The following CNTNAP3B variants were observed in gnomAD, a reference collection of about 807,000 sequenced individuals.
The protein encoded by CNTNAP3B is contactin-associated protein-like 3B.
A neutral mutation model predicts 108.9 loss-of-function variants in CNTNAP3B; 25 were observed. The observed-to-expected ratio is 0.23, with a 90% CI of 0.17 to 0.32. The LOEUF is 0.32. Ranked by LOEUF, CNTNAP3B falls within the 10% of genes least tolerant of loss-of-function variation. The pLI is 1.00. For missense variants in CNTNAP3B, 252 were observed against 1,210.4 expected, an observed-to-expected ratio of 0.21 and a Z score of 11.75; for synonymous variants, 103 against 473.4, an observed-to-expected ratio of 0.22 and a Z score of 10.16.
intron 3 of CNTNAP3B, among the ~76,000 whole-genome samples, chr9:42,068,189 AACTC>A (rs1827314147): frequency 1.6e-5 from 1 of 62,100 alleles, no homozygotes; most frequent in Non-Finnish European, 2.9e-5. Flanking sequence ...AAGGTCAAAT[AACTC>A]ACAGCCAATG....
chr9:42,115,372 C>T (rs1564199022), intron 1 of CNTNAP3B, among the ~76,000 whole-genome samples: 1 of 134,240 alleles, frequency 7.4e-6, no homozygotes. Context: ...TAGTGGTTCT[C>T]CCAGCATGGA....
intron 18 of CNTNAP3B, among the ~76,000 whole-genome samples, chr9:41,918,054 A>C (rs1160827648): frequency 6.6e-6 from 1 of 152,296 alleles, no homozygotes; most frequent in Non-Finnish European, 1.5e-5. Context: ...TAAAATAATA[A>C]TTTTTACTAG....
intron 3 of CNTNAP3B, among the ~76,000 whole-genome samples, chr9:42,047,246 T>TA (rs1826890071): frequency 1.0e-5 from 1 of 99,948 alleles, no homozygotes; most frequent in Non-Finnish European, 2.0e-5. Flanking sequence ...TTGCTGTTTT[T>TA]ATAAAGGACA....
chr9:41,947,397 A>G (rs1412827017), intron 13 of CNTNAP3B, among the ~76,000 whole-genome samples: 1 of 152,272 alleles, frequency 6.6e-6, no homozygotes, highest in Non-Finnish European at 1.5e-5. Context: ...GAAATTTTTT[A>G]AAATACACTT....
intron 10 of CNTNAP3B, among the ~76,000 whole-genome samples, chr9:41,967,409 T>C (rs1435750782): frequency 2.6e-5 from 4 of 151,266 alleles, no homozygotes; most frequent in African/African-American, 7.3e-5. Flanking sequence ...CTTCACCTTC[T>C]GCTATCATTG....
rs1165973709 is a variant in CNTNAP3B, at chr9:42,127,555, C to T, written c.85+1455G>A. On this transcript the variant is annotated intron_variant, in intron 1 of 23. Coordinates refer to ENST00000377561, the MANE Select transcript of CNTNAP3B (RefSeq NM_001201380.3). ...TGATTGGTCAATTACTCTAGCATGC[C>T]TTTCTATAAGTAACTCATTTATGTG... Among the ~76,000 whole-genome samples, 2 of 139,390 alleles carry T rather than the reference C, an allele frequency of 1.4e-5. 1 individual carries two copies. The highest frequency in any genetic ancestry group is 5.7e-5 in the African/African-American group (2 of 35,120). The allele number at this position is 139,390 out of a possible 152,430, so 91.4% of individuals were successfully genotyped here.
chr9:42,118,295 G>T (rs1211334648), intron 1 of CNTNAP3B, among the ~76,000 whole-genome samples: 1 of 139,304 alleles, frequency 7.2e-6, no homozygotes, highest in African/African-American at 2.8e-5. Context: ...CTGGCAAACT[G>T]AATACAGCAA....
rs1450612349 is a variant in CNTNAP3B at position 42,001,834 on chromosome 9, TAGTC to T, written c.539-3234_539-3231del. Among the ~76,000 whole-genome samples the T allele has an allele frequency of 7.4e-5, 10 of 135,272 alleles. 1 individual carries two copies. The highest frequency in any genetic ancestry group is 1.3e-4 in the Non-Finnish European group (8 of 63,984). 88.7% of individuals were successfully genotyped at this position (135,272 alleles called of 152,430 possible). A position where few individuals can be genotyped will look rare whatever the true frequency, so the allele number is the denominator to read the frequency against. On this transcript the variant is annotated intron_variant, in intron 4 of 23. Transcript: ENST00000377561. ...TTAGCAATGTGGACCCCTGACACGT[TAGTC>T]TGTCACCATTAGATCAGGAGCCACA...
chr9:41,944,886 T>C (rs1011376509), intron 13 of CNTNAP3B, among the ~76,000 whole-genome samples: 3 of 152,320 alleles, frequency 2.0e-5, no homozygotes, highest in Admixed American at 2.0e-4. Flanking sequence ...AAAGGGCTAA[T>C]ATCCAGAATC....
At position 41,953,238 on chromosome 9, in the gene CNTNAP3B, G is replaced by C. The variant is rs1381305086; in HGVS notation, c.2025C>G (p.Arg675=). 4 of 1,527,986 alleles carry C rather than the reference G, an allele frequency of 2.6e-6. No homozygotes were observed. In the East Asian group the frequency reaches 1.0e-4, roughly 38 times the overall value. 94.7% of individuals were successfully genotyped at this position (1,527,986 alleles called of 1,614,324 possible). ...QLRAAVNLAE[R]CEQRLALRCG... ...AGCGCAGAGCCAGCCGCTGCTCGCA[G>C]CGCTCCGCCAGGTTCACCGCGGCCC... is the stretch of plus-strand genomic sequence containing the variant. The change falls in exon 13 of 24, where the codon CGC becomes CGG. Residue 675 remains arginine, a synonymous_variant. Coordinates refer to ENST00000377561, the MANE Select transcript of CNTNAP3B (RefSeq NM_001201380.3).
chr9:41,940,872 G>A (rs1824320734), intron 13 of CNTNAP3B, among the ~76,000 whole-genome samples: 1 of 152,262 alleles, frequency 6.6e-6, no homozygotes, highest in African/African-American at 2.4e-5. Context: ...AAAATAATTT[G>A]TCGCTAGCAG....
intron 13 of CNTNAP3B, among the ~76,000 whole-genome samples, chr9:41,940,875 G>A (rs1197676449): frequency 6.6e-6 from 1 of 152,272 alleles, no homozygotes; most frequent in East Asian, 1.9e-4. Flanking sequence ...ATAATTTGTC[G>A]CTAGCAGACA....
rs550059407 is a variant in CNTNAP3B at position 41,979,067 on chromosome 9, C to G, written c.1477+7101G>C. On this transcript the variant is annotated intron_variant, in intron 9 of 23. Coordinates refer to ENST00000377561, the MANE Select transcript of CNTNAP3B (RefSeq NM_001201380.3). ...TCAGGGAGGAACCCAGTAAACAGCC[C>G]TGGCCTTGCAGGTGTAACAGTCTAG... is the stretch of plus-strand genomic sequence containing the variant. 3.9e-3 allele frequency among the ~76,000 whole-genome samples: 536 copies of G among 137,816 alleles called. 112 individuals carry two copies. Among genetic ancestry groups the G allele is most frequent in the African/African-American group, 0.015 (508 of 34,422 alleles). The allele number at this position is 137,816 out of a possible 152,430, so 90.4% of individuals were successfully genotyped here. A position where few individuals can be genotyped will look rare whatever the true frequency, so the allele number is the denominator to read the frequency against.
At chr9:42,063,868 T>C (rs1827217065) in intron 3 of CNTNAP3B, among the ~76,000 whole-genome samples, 1 of 150,442 alleles carries the variant, frequency 6.6e-6, no homozygotes, top group Non-Finnish European at 1.5e-5. Flanking sequence ...ATTATAGGTA[T>C]GAGCCATGAC....
intron 13 of CNTNAP3B, among the ~76,000 whole-genome samples, chr9:41,950,915 C>T (rs1159507531): frequency 1.3e-5 from 2 of 149,590 alleles, no homozygotes; most frequent in African/African-American, 2.5e-5. Flanking sequence ...GCCACCACAC[C>T]TGGCTACTTT....
At chr9:42,113,577 CAT>C (rs1411571634) in intron 1 of CNTNAP3B, among the ~76,000 whole-genome samples, 4 of 139,404 alleles carry the variant, frequency 2.9e-5, no homozygotes, top group African/African-American at 1.1e-4. Context: ...AAAAGAAAAT[CAT>C]GTGGCGATGT....
intron 14 of CNTNAP3B, among the ~76,000 whole-genome samples, chr9:41,935,087 T>C (rs1270490118): frequency 6.6e-6 from 1 of 152,282 alleles, no homozygotes; most frequent in Admixed American, 6.5e-5. Flanking sequence ...CACTATACAT[T>C]TATACACATA....
chr9:41,958,201 A>C (rs868837921), intron 12 of CNTNAP3B, among the ~76,000 whole-genome samples: 6,107 of 148,960 alleles, frequency 0.041, no homozygotes, highest in Non-Finnish European at 0.063. Flanking sequence ...TCCAACTCCC[A>C]GGCTCAAGCG....
chr9:42,113,007 A>T (rs1162277793), intron 1 of CNTNAP3B, among the ~76,000 whole-genome samples: 1 of 132,662 alleles, frequency 7.5e-6, no homozygotes, highest in East Asian at 2.4e-4. Flanking sequence ...CACCTGCCTC[A>T]ACCTCCCAAA....
Sources: gnomAD v4.1 joint callset for allele counts (sites outside exome capture counted in the v4.1 genomes callset) on GRCh38, gnomAD v4.1.1 for gene constraint, MANE v1.5 for transcripts, NCBI Gene and HGNC (gene_info 2026-07-23, HGNC 2026-07-21) for gene names.